Variants in PRH1 observed in about 807,000 individuals in gnomAD.
PRH1 encodes salivary acidic proline-rich phosphoprotein 1/2.
A neutral mutation model predicts 7.9 loss-of-function variants in PRH1; 7 were observed. That is an observed-to-expected ratio of 0.89 (90% CI 0.50 to 1.67). The LOEUF (loss-of-function observed/expected upper bound fraction) is 1.67, where lower values mean the gene tolerates loss of function less well. Among genes scored for constraint, PRH1 ranks in the 40% most tolerant of loss-of-function variants. The pLI, the probability that PRH1 is intolerant of heterozygous loss-of-function variation, is 0.00. For synonymous variants in PRH1, 45 were observed against 80.8 expected (o/e 0.56, Z 2.38); for missense variants, 109 against 223.6 (o/e 0.49, Z 3.27).
intron 2 of PRH1, among the ~76,000 whole-genome samples, chr12:10,959,163 C>T (rs545975918): frequency 3.9e-5 from 6 of 152,126 alleles, no homozygotes; most frequent in South Asian, 4.2e-4. Context: ...AATATTGACT[C>T]CATTTTTTTT....
At chr12:10,963,391 A>T (rs1363819430) in intron 2 of PRH1, among the ~76,000 whole-genome samples, 1 of 152,220 alleles carries the variant, frequency 6.6e-6, no homozygotes, top group Admixed American at 6.5e-5. Flanking sequence ...GAATTTGCAG[A>T]AAGTATAATT....
chr12:10,971,828 T>A (rs1052040094), intron 2 of PRH1, among the ~76,000 whole-genome samples: 1 of 152,130 alleles, frequency 6.6e-6, no homozygotes, highest in South Asian at 2.1e-4. Context: ...AAAACGTAAC[T>A]TTAGTTCAAA....
chr12:10,961,764 T>C (rs988709774), intron 2 of PRH1, among the ~76,000 whole-genome samples: 6 of 152,108 alleles, frequency 3.9e-5, no homozygotes, highest in African/African-American at 1.2e-4. Context: ...CAATGGAAAA[T>C]GGAAGACAGA....
chr12:11,061,919 T>C (rs201120984), intron 1 of PRH1: 3 of 1,613,978 alleles, frequency 1.9e-6, no homozygotes, highest in Non-Finnish European at 2.5e-6. Flanking sequence ...ACAACACTCT[T>C]AACTCTCCTC....
chr12:10,910,342 C>A (rs1949878775), intron 2 of PRH1, among the ~76,000 whole-genome samples: 1 of 152,052 alleles, frequency 6.6e-6, no homozygotes, highest in Non-Finnish European at 1.5e-5. Context: ...ATAAAAGTTG[C>A]CAGGGGTTGT....
At chr12:11,021,811 G>A in intron 1 of PRH1, 1 of 1,614,146 alleles carries the variant, frequency 6.2e-7, no homozygotes, top group Non-Finnish European at 8.5e-7. Flanking sequence ...GCTCTGCTGT[G>A]TCCTAAGATT....
intron 1 of PRH1, chr12:11,159,460 G>A (rs137983797): frequency 5.3e-5 from 8 of 150,728 alleles, no homozygotes; most frequent in African/African-American, 1.2e-4. Flanking sequence ...ACTAGTTTAC[G>A]GATGGTATAT....
At chr12:11,031,293 C>A (rs1942201829) in intron 1 of PRH1, 1 of 1,613,636 alleles carries the variant, frequency 6.2e-7, no homozygotes, top group African/African-American at 1.3e-5. Flanking sequence ...ACAAATAGAA[C>A]CACTACCACA....
intron 1 of PRH1, among the ~76,000 whole-genome samples, chr12:11,041,307 A>AAAAAAAAAAAAC (rs1565584500): frequency 3.1e-5 from 3 of 97,216 alleles, no homozygotes; most frequent in African/African-American, 4.4e-5. Context: ...AAAAAAAAAA[A>AAAAAAAAAAAAC]AAAACAAAAA....
chr12:11,168,243 A>G (rs574620902), intron 1 of PRH1, among the ~76,000 whole-genome samples: 353 of 21,666 alleles, frequency 0.016, 124 homozygotes, highest in Middle Eastern at 0.066. Context: ...AAAGAAAGAA[A>G]GAAAGAAAGA....
At chr12:11,003,263 T>G (rs923073282) in intron 1 of PRH1, among the ~76,000 whole-genome samples, 2 of 152,102 alleles carry the variant, frequency 1.3e-5, no homozygotes, top group African/African-American at 4.8e-5. Context: ...AGTTTTATAT[T>G]CATTAATTTA....
rs1944825716 is a variant in PRH1 at position 11,089,992 on chromosome 12, G to A, written n.124-42804C>T. On this transcript the variant is annotated intron_variant and non_coding_transcript_variant, in intron 1 of 4. Coordinates refer to the PRH1 transcript ENST00000541977. The stretch of plus-strand genomic sequence containing the variant: ...CCGGAACAGGGGAATTCATGCAACT[G>A]CAGATTTTGTGATGAGTTTCCTTTT... Among the ~76,000 whole-genome samples, 2 of 117,186 alleles carry A rather than the reference G, an allele frequency of 1.7e-5. 1 individual carries two copies. Among genetic ancestry groups the A allele is most frequent in the African/African-American group, 5.7e-5 (2 of 34,994 alleles). 76.9% of individuals were successfully genotyped at this position (117,186 alleles called of 152,430 possible).
chr12:11,027,165 A>G (rs3983357), intron 1 of PRH1, among the ~76,000 whole-genome samples: 147,204 of 150,236 alleles, frequency 0.98, 72,159 homozygotes, highest in East Asian at 1. Context: ...CTAGCAATGC[A>G]GAGGTGGGGG....
At chr12:11,042,862 C>A (rs1942765825) in intron 1 of PRH1, among the ~76,000 whole-genome samples, 1 of 151,916 alleles carries the variant, frequency 6.6e-6, no homozygotes, top group African/African-American at 2.4e-5. Flanking sequence ...ATCTCCTGAC[C>A]TCGTGATCCA....
intron 1 of PRH1, among the ~76,000 whole-genome samples, chr12:11,153,661 A>C (rs148288109): frequency 2.0e-5 from 3 of 152,266 alleles, no homozygotes; most frequent in African/African-American, 7.2e-5. Context: ...ATACCACTCT[A>C]TATATATCCC....
At chr12:10,948,367 A>G (rs1025394730) in intron 2 of PRH1, among the ~76,000 whole-genome samples, 7 of 152,156 alleles carry the variant, frequency 4.6e-5, no homozygotes, top group Non-Finnish European at 1.0e-4. Context: ...GTATTATTTC[A>G]GAAAACCAGT....
intron 1 of PRH1, among the ~76,000 whole-genome samples, chr12:11,004,517 T>C (rs1327964790): frequency 1.3e-5 from 2 of 151,906 alleles, no homozygotes; most frequent in African/African-American, 2.4e-5. Context: ...ATAAATAAAA[T>C]ATTATTAAAC....
At chr12:11,149,530 C>T (rs1946992429) in intron 1 of PRH1, among the ~76,000 whole-genome samples, 1 of 150,374 alleles carries the variant, frequency 6.7e-6, no homozygotes, top group African/African-American at 2.5e-5. Flanking sequence ...CTACAACTAT[C>T]TGATCTTTGA....
chr12:11,122,686 TAG>T (rs1396304128), intron 1 of PRH1, among the ~76,000 whole-genome samples: 1 of 152,288 alleles, frequency 6.6e-6, no homozygotes, highest in Non-Finnish European at 1.5e-5. Context: ...TAAAATCTCT[TAG>T]AGTTATACAT....
Sources: allele counts gnomAD v4.1 joint callset (sites outside exome capture counted in the v4.1 genomes callset), GRCh38; gene constraint gnomAD v4.1.1; transcripts MANE v1.5; gene names NCBI Gene and HGNC (gene_info 2026-07-23, HGNC 2026-07-21).